KCND2: variants seen among roughly 807,000 people sequenced by gnomAD.
KCND2 encodes the protein potassium voltage-gated channel subfamily D member 2.
Under a neutral mutation model 54.4 loss-of-function variants are expected in KCND2, and 16 were observed. The observed-to-expected ratio is 0.29, with a 90% confidence interval of 0.20 to 0.45. KCND2 has a LOEUF of 0.45. KCND2 is among the 20% of genes least tolerant of loss of function. KCND2 has a pLI of 1.00. For missense variants in KCND2, 486 were observed against 824.2 expected (o/e 0.59, Z 5.02); for synonymous variants, 317 against 310.7 (o/e 1.02, Z -0.21).
chr7:120,535,533 G>A (rs571441106), intron 1 of KCND2, among the ~76,000 whole-genome samples: 3 of 152,184 alleles, frequency 2.0e-5, no homozygotes, highest in East Asian at 3.9e-4. Flanking sequence ...AACAGAGAGC[G>A]AGAGGTCACA....
At chr7:120,314,936 G>A (rs1186223239) in intron 1 of KCND2, among the ~76,000 whole-genome samples, 1 of 151,784 alleles carries the variant, frequency 6.6e-6, no homozygotes, top group Non-Finnish European at 1.5e-5. Flanking sequence ...AATAATGCAT[G>A]TTATCACCAC....
intron 1 of KCND2, among the ~76,000 whole-genome samples, chr7:120,687,193 C>G (rs905477154): frequency 2.6e-5 from 4 of 152,106 alleles, no homozygotes; most frequent in African/African-American, 9.7e-5. Context: ...TTCTTCTCCC[C>G]CTAACTCTTG....
At chr7:120,619,936 T>G (rs138757540) in intron 1 of KCND2, among the ~76,000 whole-genome samples, 141 of 152,290 alleles carry the variant, frequency 9.3e-4, no homozygotes, top group African/African-American at 3.1e-3. Flanking sequence ...CGATGGTATG[T>G]GGAAAAGAAG....
At chr7:120,481,605 T>C (rs1473441747) in intron 1 of KCND2, among the ~76,000 whole-genome samples, 1 of 152,148 alleles carries the variant, frequency 6.6e-6, no homozygotes. Context: ...GAGGGTGGAA[T>C]GGTTTTCAGG....
chr7:120,632,603 CTGTT>C (rs1285888505), intron 1 of KCND2, among the ~76,000 whole-genome samples: 1 of 152,098 alleles, frequency 6.6e-6, no homozygotes, highest in Non-Finnish European at 1.5e-5. Context: ...TACACCATGT[CTGTT>C]TGTTTAATTT....
intron 1 of KCND2, among the ~76,000 whole-genome samples, chr7:120,635,283 A>G (rs1793290167): frequency 6.6e-6 from 1 of 152,202 alleles, no homozygotes; most frequent in Non-Finnish European, 1.5e-5. Context: ...ATGAAATAAC[A>G]ATACTAAGCA....
intron 1 of KCND2, among the ~76,000 whole-genome samples, chr7:120,337,901 G>T (rs536706824): frequency 6.6e-6 from 1 of 152,220 alleles, no homozygotes; most frequent in African/African-American, 2.4e-5. Context: ...TTATTGAGCT[G>T]CCCAGAAAAA....
intron 1 of KCND2, among the ~76,000 whole-genome samples, chr7:120,366,283 G>A (rs757585986): frequency 2.6e-5 from 4 of 151,998 alleles, no homozygotes; most frequent in African/African-American, 4.8e-5. Context: ...TGAGGAGTTC[G>A]AGACCAGCTT....
chr7:120,553,231 C>G (rs752006975), intron 1 of KCND2, among the ~76,000 whole-genome samples: 1 of 152,172 alleles, frequency 6.6e-6, no homozygotes, highest in African/African-American at 2.4e-5. Context: ...GATTCCACAT[C>G]TAAGTGAGAT....
At chr7:120,730,438 T>C (rs996264582) in intron 1 of KCND2, among the ~76,000 whole-genome samples, 2 of 152,204 alleles carry the variant, frequency 1.3e-5, no homozygotes, top group African/African-American at 4.8e-5. Flanking sequence ...ACAGTAAGAA[T>C]ATCCCCAAGA....
chr7:120,634,124 T>C (rs1159191726), intron 1 of KCND2, among the ~76,000 whole-genome samples: 3 of 152,172 alleles, frequency 2.0e-5, no homozygotes, highest in Non-Finnish European at 4.4e-5. Flanking sequence ...CAATAAAGTA[T>C]AAAATTTGGA....
intron 2 of KCND2, among the ~76,000 whole-genome samples, chr7:120,737,845 T>G (rs139482555): frequency 1.3e-5 from 2 of 152,110 alleles, no homozygotes; most frequent in East Asian, 3.9e-4. Context: ...CTTCATTACC[T>G]CACTTTTAAG....
chr7:120,379,258 A>T (rs1195277880), intron 1 of KCND2, among the ~76,000 whole-genome samples: 1 of 152,036 alleles, frequency 6.6e-6, no homozygotes, highest in Non-Finnish European at 1.5e-5. Context: ...ACCAGCATAG[A>T]AGAAGTCTTT....
At chr7:120,709,679 G>A (rs1171636550) in intron 1 of KCND2, among the ~76,000 whole-genome samples, 1 of 152,114 alleles carries the variant, frequency 6.6e-6, no homozygotes, top group African/African-American at 2.4e-5. Flanking sequence ...TTGAATGCCA[G>A]ACCTTCTTTA....
intron 1 of KCND2, among the ~76,000 whole-genome samples, chr7:120,723,667 A>G (rs184914085): frequency 1.1e-3 from 161 of 152,250 alleles, no homozygotes; most frequent in Middle Eastern, 0.01. Flanking sequence ...GTAGTACACT[A>G]TGACTATACC....
chr7:120,406,097 T>A (rs1050656181), intron 1 of KCND2, among the ~76,000 whole-genome samples: 10 of 152,110 alleles, frequency 6.6e-5, no homozygotes, highest in Admixed American at 6.6e-4. Flanking sequence ...TAATGTAATA[T>A]ATTTATTTTT....
intron 1 of KCND2, among the ~76,000 whole-genome samples, chr7:120,595,996 GT>G (rs1422521123): frequency 6.6e-6 from 1 of 152,084 alleles, no homozygotes; most frequent in Non-Finnish European, 1.5e-5. Context: ...CTTCATTAAT[GT>G]TGACCTTTTA....
intron 1 of KCND2, among the ~76,000 whole-genome samples, chr7:120,311,685 G>C (rs1310843675): frequency 2.0e-5 from 3 of 152,066 alleles, no homozygotes; most frequent in Non-Finnish European, 2.9e-5. Context: ...ATTAAGCCTA[G>C]TACTCATTAG....
At chr7:120,372,957 G>A (rs148536087) in intron 1 of KCND2, among the ~76,000 whole-genome samples, 2 of 151,762 alleles carry the variant, frequency 1.3e-5, no homozygotes, top group African/African-American at 4.8e-5. Context: ...CCTTTATAAA[G>A]TTTTACTTCG....
Sources: allele counts gnomAD v4.1 joint callset (sites outside exome capture counted in the v4.1 genomes callset), GRCh38; gene constraint gnomAD v4.1.1; transcripts MANE v1.5; gene names NCBI Gene and HGNC (gene_info 2026-07-23, HGNC 2026-07-21).